Variants in VEPH1 observed in about 807,000 individuals in gnomAD.
VEPH1 encodes ventricular zone expressed PH domain containing 1, also known as ventricular zone-expressed PH domain-containing protein homolog 1.
VEPH1 carries 80 observed loss-of-function variants against 85.2 expected under a neutral mutation model. That is an observed-to-expected ratio of 0.94 (90% CI 0.78 to 1.13). VEPH1 has a LOEUF of 1.13. Among genes scored for constraint, VEPH1 ranks in the 50% most tolerant of loss-of-function variants. The pLI, the probability that VEPH1 is intolerant of heterozygous loss-of-function variation, is 0.00. For missense variants in VEPH1, 955 were observed against 980.5 expected, an observed-to-expected ratio of 0.97 and a Z score of 0.35; for synonymous variants, 297 against 348.0, an observed-to-expected ratio of 0.85 and a Z score of 1.63.
At chr3:157,495,024 C>CA (rs2109755158) in intron 2 of VEPH1, among the ~76,000 whole-genome samples, 188 bp downstream of exon 2, 1 of 152,310 alleles carries the variant, frequency 6.6e-6, no homozygotes, top group South Asian at 2.1e-4. Flanking sequence ...TAACTGCCCC[C>CA]TACTAAGCCA....
chr3:157,394,464 T>C (rs1730178294), intron 6 of VEPH1, among the ~76,000 whole-genome samples: 1 of 152,210 alleles, frequency 6.6e-6, no homozygotes, highest in Non-Finnish European at 1.5e-5. Context: ...ATCTGTCTCA[T>C]AGAGGAGTCA....
chr3:157,489,803 A>G (rs1739057363), intron 2 of VEPH1, among the ~76,000 whole-genome samples: 1 of 152,088 alleles, frequency 6.6e-6, no homozygotes, highest in Non-Finnish European at 1.5e-5. Context: ...TATTTGTTGA[A>G]TAAACTGGAA....
chr3:157,465,758 G>A (rs758197075), intron 3 of VEPH1, among the ~76,000 whole-genome samples: 1 of 152,184 alleles, frequency 6.6e-6, no homozygotes, highest in Non-Finnish European at 1.5e-5. Flanking sequence ...AGGAACAGCA[G>A]GTCCTTCTAT....
In VEPH1 at chr3:157,366,760, A is replaced by C. The variant is rs1054159273; in HGVS notation, c.1128-2248T>G. 3.9e-5 allele frequency among the ~76,000 whole-genome samples: 6 copies of C among 152,034 alleles called. 1 individual carries two copies. Among genetic ancestry groups the C allele is most frequent in the Admixed American group, 6.5e-5 (1 of 15,270 alleles). On this transcript the variant is annotated intron_variant, in intron 7 of 13. Transcript: ENST00000362010. ...AAAACAACAACAACAACAACAACAA[A>C]AACAAACAACAACAACAACAAAAAA...
intron 6 of VEPH1, among the ~76,000 whole-genome samples, chr3:157,391,339 G>A (rs1372878829): frequency 6.6e-6 from 1 of 152,202 alleles, no homozygotes; most frequent in East Asian, 1.9e-4. Context: ...TTTTTCCACT[G>A]GGGATCCAAG....
chr3:157,456,852 T>G (rs1735427236), intron 4 of VEPH1, among the ~76,000 whole-genome samples: 1 of 152,214 alleles, frequency 6.6e-6, no homozygotes, highest in South Asian at 2.1e-4. Flanking sequence ...GCCTTGGCTA[T>G]TCAGGCTCTT....
chr3:157,265,594 T>A lies in VEPH1; in HGVS notation c.2197A>T (p.Ile733Phe). The change falls in exon 13 of 14, where the codon ATC becomes TTC. Residue 733 changes from isoleucine to phenylalanine, a missense_variant. Ile to Phe is a conservative substitution (Grantham distance 21). Coordinates refer to ENST00000362010, the MANE Select transcript of VEPH1 (RefSeq NM_001167912.2). ...AAATAGCGTGTTTTCCACCTTTTGA[T>A]GAACTTCCATCTGACTTGCTTCTCT... ...LKEKQVRWKF[I>F]KRWKTRYFTL... The A allele has an allele frequency of 1.9e-6, 3 of 1,613,850 alleles. No individual in the cohort carries two copies. The highest frequency in any genetic ancestry group is 2.5e-6 in the Non-Finnish European group (3 of 1,179,792).
chr3:157,464,794 C>A (rs898461702), intron 3 of VEPH1, among the ~76,000 whole-genome samples: 2 of 152,148 alleles, frequency 1.3e-5, no homozygotes, highest in African/African-American at 4.8e-5. Flanking sequence ...AACTAAAAAG[C>A]TCTTTGGCTC....
In VEPH1 at chr3:157,381,222, TTGCTCATGCGGAAGA is replaced by T. The variant is rs774342856; in HGVS notation, c.1046_1060del (p.Ile349_Ser353del). 3.7e-6 allele frequency: 6 copies of T among 1,613,952 alleles called. No homozygotes were observed. ...GAGTTTAGCAATGGCGGTGAAGCTG[TTGCTCATGCGGAAGA>T]TGTCTCTGCTCTGAGGGCCCAAGAT... On this transcript the variant is annotated inframe_deletion, in exon 7 of 14. Coordinates refer to ENST00000362010, the MANE Select transcript of VEPH1 (RefSeq NM_001167912.2).
intron 6 of VEPH1, among the ~76,000 whole-genome samples, chr3:157,395,298 C>T (rs1341507631): frequency 1.3e-5 from 2 of 152,138 alleles, no homozygotes; most frequent in African/African-American, 2.4e-5. Flanking sequence ...TGGAAGTGGT[C>T]CAATGTAATC....
intron 12 of VEPH1, among the ~76,000 whole-genome samples, chr3:157,276,674 G>T (rs1715444542): frequency 6.6e-6 from 1 of 152,116 alleles, no homozygotes; most frequent in Non-Finnish European, 1.5e-5. Context: ...CAGAAAAAAT[G>T]TTCAGAATTA....
At chr3:157,266,690 T>C (rs1228281158) in intron 12 of VEPH1, among the ~76,000 whole-genome samples, 1 of 152,172 alleles carries the variant, frequency 6.6e-6, no homozygotes, top group Non-Finnish European at 1.5e-5. Flanking sequence ...GATCATAGAA[T>C]TAGAAGATCC....
intron 1 of VEPH1, among the ~76,000 whole-genome samples, chr3:157,496,315 TCTC>T (rs1739661473): frequency 6.6e-6 from 1 of 152,222 alleles, no homozygotes. Context: ...ATCTGATTAT[TCTC>T]ATCAGCTCCC....
At chr3:157,447,206 T>C (rs1185787976) in intron 4 of VEPH1, among the ~76,000 whole-genome samples, 1 of 152,198 alleles carries the variant, frequency 6.6e-6, no homozygotes, top group Non-Finnish European at 1.5e-5. Context: ...ATGCAGGCCT[T>C]GTTCTACTTC....
At chr3:157,292,585 G>A (rs185625526) in intron 11 of VEPH1, among the ~76,000 whole-genome samples, 2 of 151,924 alleles carry the variant, frequency 1.3e-5, no homozygotes, top group African/African-American at 4.8e-5. Flanking sequence ...GTAGCTACTT[G>A]GGAGGCTGAG....
chr3:157,373,395 G>A (rs1283743130), intron 7 of VEPH1, among the ~76,000 whole-genome samples: 2 of 152,142 alleles, frequency 1.3e-5, no homozygotes, highest in Non-Finnish European at 2.9e-5. Flanking sequence ...ATATAGTCAC[G>A]GGAGCAACCC....
chr3:157,454,013 T>C (rs944799497), intron 4 of VEPH1, among the ~76,000 whole-genome samples: 5 of 152,218 alleles, frequency 3.3e-5, no homozygotes, highest in Admixed American at 6.5e-5. Context: ...AAGCATTTTT[T>C]AAAAACCCAA....
chr3:157,305,036 ATATCTATC>A lies in VEPH1; in HGVS notation c.2010+8577_2010+8584del, dbSNP rs10530716. Among the ~76,000 whole-genome samples the A allele has an allele frequency of 2.1e-3, 292 of 139,570 alleles. 1 individual carries two copies. The highest frequency in any genetic ancestry group is 7.1e-3 in the African/African-American group (266 of 37,272). 91.6% of individuals were successfully genotyped at this position (139,570 alleles called of 152,430 possible). ...TAGTTGTCTCTCACTGTGTATTGTT[ATATCTATC>A]TATCTATCTATCTATCTATCTATCT... On this transcript the variant is annotated intron_variant, in intron 11 of 13. Transcript: ENST00000362010.
At chr3:157,404,403 T>C (rs1731005758) in intron 6 of VEPH1, among the ~76,000 whole-genome samples, 1 of 152,180 alleles carries the variant, frequency 6.6e-6, no homozygotes, top group South Asian at 2.1e-4. Flanking sequence ...TGTTCTCAAA[T>C]ATTCACAGCA....
Sources: allele counts gnomAD v4.1 joint callset (sites outside exome capture counted in the v4.1 genomes callset), GRCh38; gene constraint gnomAD v4.1.1; transcripts MANE v1.5; gene names NCBI Gene and HGNC (gene_info 2026-07-23, HGNC 2026-07-21).